The following BRCA2 variants were observed in gnomAD, a reference collection of about 807,000 sequenced individuals.
BRCA2 encodes the protein BRCA2 DNA repair associated.
In BRCA2, 203 loss-of-function variants were observed where a neutral mutation model predicts 276.7. The observed-to-expected ratio is 0.73, with a 90% CI of 0.65 to 0.82. BRCA2 has a LOEUF of 0.82. Among genes scored for constraint, BRCA2 ranks in the 40% least tolerant of loss-of-function variants. The pLI is 0.00. For synonymous variants in BRCA2, 1,289 were observed against 1,338.4 expected (o/e 0.96, Z 0.81); for missense variants, 3,920 against 3,915.0 (o/e 1.00, Z -0.03).
intron 24 of BRCA2, among the ~76,000 whole-genome samples, chr13:32,393,618 G>A (rs935126749): frequency 1.3e-5 from 2 of 152,030 alleles, no homozygotes; most frequent in Non-Finnish European, 2.9e-5. Context: ...CCCTAGTCTT[G>A]GAATCAGCCA....
At chr13:32,364,541 AT>A (rs2137584877) in intron 18 of BRCA2, among the ~76,000 whole-genome samples, 1 of 152,228 alleles carries the variant, frequency 6.6e-6, no homozygotes, top group South Asian at 2.1e-4. Flanking sequence ...ATACAGCATG[AT>A]TTTTAGTGAA....
At chr13:32,394,405 G>A (rs781778599) in intron 24 of BRCA2, among the ~76,000 whole-genome samples, 6 of 152,180 alleles carry the variant, frequency 3.9e-5, no homozygotes, top group Non-Finnish European at 5.9e-5. Context: ...TTTATCTCCA[G>A]AAATCTTGCA....
chr13:32,319,250 T>A lies in BRCA2; in HGVS notation c.241T>A (p.Phe81Ile), dbSNP rs80358507. ...TCAGCTGGCTTCAACTCCAATAATATTCAAAGAGCAAGGGCTGACTCTGCC... is the reference window on the plus strand; with the variant it reads ...TCAGCTGGCTTCAACTCCAATAATAATCAAAGAGCAAGGGCTGACTCTGCC... ...YNQLASTPII[F>I]KEQGLTLPLY... The change falls in exon 3 of 27, where the codon TTC (phenylalanine) becomes ATC (isoleucine). Residue 81 changes from phenylalanine to isoleucine, a missense_variant. Phe to Ile is a conservative substitution (Grantham distance 21, BLOSUM62 0). Around this residue, in one of 2 missense-constraint regions of BRCA2, gnomAD observed 3,263 missense variants for 3,156.9 expected, o/e 1.03. Transcript: ENST00000380152. The A allele has an allele frequency of 3.6e-5, 58 of 1,613,700 alleles. No homozygotes were observed. Among genetic ancestry groups the A allele is most frequent in the Non-Finnish European group, 4.8e-5 (57 of 1,179,754 alleles).
Position 32,337,818 on chromosome 13 carries a change from A to G in BRCA2, c.3463A>G (p.Thr1155Ala), listed in dbSNP as rs1555283257. Reference sequence around the variant, plus strand: ...AAACCAGATGACTATCTTAAAGACCACTTCTGAGGAATGCAGAGATGCTGA... The same window carrying G: ...AAACCAGATGACTATCTTAAAGACCGCTTCTGAGGAATGCAGAGATGCTGA... ...PENQMTILKT[T>A]SEECRDADLH... Residue 1155 changes from threonine to alanine, a missense_variant, in exon 11 of 27, where the codon ACT becomes GCT. Transcript: ENST00000380152. The G allele has an allele frequency of 1.2e-6, 2 of 1,613,918 alleles. No individual in the cohort carries two copies. The highest frequency in any genetic ancestry group is 1.1e-5 in the South Asian group (1 of 91,092).
chr13:32,383,100 G>T (rs556947267), intron 24 of BRCA2, among the ~76,000 whole-genome samples: 18 of 152,344 alleles, frequency 1.2e-4, no homozygotes, highest in African/African-American at 4.3e-4. Context: ...GGTGGCTAAC[G>T]CCTGTAATCC....
rs2072284356 is a variant in BRCA2, at chr13:32,319,098, A to G, written c.89A>G (p.Asn30Ser). 2 of 1,612,876 alleles carry G rather than the reference A, an allele frequency of 1.2e-6. No homozygotes were observed. The highest frequency in any genetic ancestry group is 1.7e-6 in the Non-Finnish European group (2 of 1,178,984). The change falls in exon 3 of 27, where the codon AAT (asparagine) becomes AGT (serine). Residue 30 changes from asparagine to serine, a missense_variant. Coordinates refer to ENST00000380152, the MANE Select transcript of BRCA2 (RefSeq NM_000059.4). ...NKADLGPISLNWFEELSSEAP... is the reference protein window; with the variant it reads ...NKADLGPISLSWFEELSSEAP... The stretch of plus-strand genomic sequence containing the variant: ...ATAGATTTAGGACCAATAAGTCTTA[A>G]TTGGTTTGAAGAACTTTCTTCAGAA...
chr13:32,394,393 A>G (rs942479834), intron 24 of BRCA2, among the ~76,000 whole-genome samples: 2 of 152,186 alleles, frequency 1.3e-5, no homozygotes, highest in African/African-American at 4.8e-5. Context: ...GGTATTGCCA[A>G]ATTTATCTCC....
At chr13:32,345,105 A>C (rs1261966608) in intron 12 of BRCA2, among the ~76,000 whole-genome samples, 6 of 152,082 alleles carry the variant, frequency 3.9e-5, no homozygotes, top group Non-Finnish European at 8.8e-5. Flanking sequence ...AAAAGCTTGA[A>C]TTTTTCCCCG....
At position 32,340,395 on chromosome 13, in the gene BRCA2, G is replaced by T. The variant is rs2137523569; in HGVS notation, c.6040G>T (p.Val2014Leu). ...TAGTACCAAGCAAGTCTTTTCCAAA[G>T]TATTGTTTAAAAGTAACGAACATTC... Reference protein sequence around the residue: ...EDSTKQVFSKVLFKSNEHSDQ... With the variant: ...EDSTKQVFSKLLFKSNEHSDQ... The change falls in exon 11 of 27, where the codon GTA becomes TTA. Residue 2014 changes from valine (V) to leucine (L), a missense_variant. Transcript: ENST00000380152. 6.2e-7 allele frequency: 1 copy of T among 1,613,782 alleles called. No homozygotes were observed. The highest frequency in any genetic ancestry group is 1.1e-5 in the South Asian group (1 of 91,078).
At chr13:32,383,306 G>GC in intron 24 of BRCA2, among the ~76,000 whole-genome samples, 1 of 152,262 alleles carries the variant, frequency 6.6e-6, no homozygotes, top group East Asian at 1.9e-4. Context: ...CTTGCAGTGA[G>GC]CTGAGATCAC....
Position 32,394,770 on chromosome 13 carries a change from T to A in BRCA2, c.9338T>A (p.Ile3113Asn), listed in dbSNP as rs770003991. ...IKFWIDLNED[I>N]IKPHMLIAAS... ...TTTTGGATAGACCTTAATGAGGACA[T>A]TATTAAGCCTCATATGTTAATTGCT... Residue 3113 changes from isoleucine to asparagine, a missense_variant, in exon 25 of 27, where the codon ATT (isoleucine) becomes AAT (asparagine). By Grantham distance (149) the Ile-to-Asn change is moderately radical. Around this residue, in one of 2 missense-constraint regions of BRCA2, gnomAD observed 657 missense variants for 758.2 expected, o/e 0.87. Transcript: ENST00000380152. 1 of 1,614,118 alleles carries A rather than the reference T, an allele frequency of 6.2e-7. No individual in the cohort carries two copies. The highest frequency in any genetic ancestry group is 8.5e-7 in the Non-Finnish European group (1 of 1,179,988).
chr13:32,321,585 C>G (rs1422779612), intron 3 of BRCA2, among the ~76,000 whole-genome samples: 1 of 152,188 alleles, frequency 6.6e-6, no homozygotes, highest in Non-Finnish European at 1.5e-5. Context: ...ACTCTCAACT[C>G]ACTGCAAAGG....
chr13:32,341,147 G>C lies in BRCA2; in HGVS notation c.6792G>C (p.Leu2264Phe), dbSNP rs756182263. 1.2e-6 allele frequency: 2 copies of C among 1,613,788 alleles called. No individual in the cohort carries two copies. Among genetic ancestry groups the C allele is most frequent in the East Asian group, 2.2e-5 (1 of 44,824 alleles). Reference sequence around the variant, plus strand: ...GTCCCGAAAATGAGGAAATGGTTTTGTCAAATTCAAGAATTGGAAAAAGAA... The same window carrying C: ...GTCCCGAAAATGAGGAAATGGTTTTCTCAAATTCAAGAATTGGAAAAAGAA... Reference protein sequence around the residue: ...FTCPENEEMVLSNSRIGKRRG... With the variant: ...FTCPENEEMVFSNSRIGKRRG... The change falls in exon 11 of 27, where the codon TTG becomes TTC. Residue 2264 changes from leucine (L) to phenylalanine (F), a missense_variant. Transcript: ENST00000380152.
chr13:32,339,036 C>A lies in BRCA2; in HGVS notation c.4681C>A (p.His1561Asn), dbSNP rs2219594. Residue 1561 changes from histidine to asparagine, a missense_variant, in exon 11 of 27, where the codon CAT (histidine) becomes AAT (asparagine). This residue lies in a region of BRCA2 where 3,263 missense variants were observed against 3,156.9 expected (regional missense o/e 1.03). Transcript: ENST00000380152. ...TACTAGTGAAATCACCAGTTTTAGC[C>A]ATCAATGGGCAAAGACCCTAAAGTA... ...QGTSEITSFS[H>N]QWAKTLKYRE... 794 of 1,613,942 alleles carry A rather than the reference C, an allele frequency of 4.9e-4. 3 individuals carry two copies. The African/African-American group carries it at 9.5e-3, about 19-fold the overall frequency.
At chr13:32,392,745 A>C (rs945414193) in intron 24 of BRCA2, among the ~76,000 whole-genome samples, 2 of 152,206 alleles carry the variant, frequency 1.3e-5, no homozygotes, top group African/African-American at 4.8e-5. Context: ...TCAGAAAGTT[A>C]ATAGTGGTAT....
chr13:32,355,439 TA>T, intron 14 of BRCA2, 151 bp downstream of exon 14: 2 of 888,502 alleles, frequency 2.3e-6, no homozygotes, highest in African/African-American at 3.4e-5. Context: ...AGATTAGGTT[TA>T]AATTATTCTA....
At chr13:32,368,821 T>G (rs1264148567) in intron 18 of BRCA2, among the ~76,000 whole-genome samples, 2 of 151,076 alleles carry the variant, frequency 1.3e-5, no homozygotes, top group Admixed American at 6.6e-5. Flanking sequence ...TTTTTTTTGT[T>G]TTTTTTTTAG....
rs80358600 is a variant in BRCA2 at position 32,337,870 on chromosome 13, C to T, written c.3515C>T (p.Ser1172Leu). Residue 1172 changes from serine (S) to leucine (L), a missense_variant, in exon 11 of 27, where the codon TCG (serine) becomes TTG (leucine). Physicochemically the swap from Ser to Leu is moderately radical, Grantham distance 145. Coordinates refer to ENST00000380152, the MANE Select transcript of BRCA2 (RefSeq NM_000059.4). ...ADLHVIMNAP[S>L]IGQVDSSKQF... The stretch of plus-strand genomic sequence containing the variant: ...CTTCATGTCATAATGAATGCCCCAT[C>T]GATTGGTCAGGTAGACAGCAGCAAG... 1,297 of 1,614,020 alleles carry T rather than the reference C, an allele frequency of 8.0e-4. 6 individuals carry two copies. Among genetic ancestry groups the T allele is most frequent in the South Asian group, 4.5e-4 (41 of 91,082 alleles).
Position 32,330,977 on chromosome 13 carries a change from T to C in BRCA2, c.740T>C (p.Ile247Thr), listed in dbSNP as rs80358962. The C allele has an allele frequency of 1.5e-5, 24 of 1,613,786 alleles. No individual in the cohort carries two copies. The highest frequency in any genetic ancestry group is 2.0e-5 in the Non-Finnish European group (24 of 1,179,826). ...DESLKKNDRF[I>T]ASVTDSENTN... ...AGTCTGAAGAAAAATGATAGATTTA[T>C]CGCTTCTGTGACAGACAGTGAAAAC... The change falls in exon 9 of 27, where the codon ATC becomes ACC. Residue 247 changes from isoleucine to threonine, a missense_variant. Transcript: ENST00000380152.
Sources: gnomAD v4.1 joint callset for allele counts (sites outside exome capture counted in the v4.1 genomes callset) on GRCh38, gnomAD v4.1.1 for gene constraint, gnomAD v4.1.1 regional missense constraint, MANE v1.5 for transcripts, NCBI Gene and HGNC (gene_info 2026-07-23, HGNC 2026-07-21) for gene names.